The following COL5A2 variants were observed in gnomAD, a reference collection of about 807,000 sequenced individuals.
The protein encoded by COL5A2 is collagen type V alpha 2 chain, also known as collagen alpha-2(V) chain.
Under a neutral mutation model 208.2 loss-of-function variants are expected in COL5A2, and 23 were observed. The observed-to-expected ratio is 0.11, with a 90% CI of 0.08 to 0.16. The LOEUF is 0.16. Ranked by LOEUF, COL5A2 falls within the 10% of genes least tolerant of loss-of-function variation. COL5A2 has a pLI of 1.00. For synonymous variants in COL5A2, 625 were observed against 628.5 expected, an observed-to-expected ratio of 0.99 and a Z score of 0.08; for missense variants, 1,590 against 1,956.4, an observed-to-expected ratio of 0.81 and a Z score of 3.53.
intron 1 of COL5A2, among the ~76,000 whole-genome samples, chr2:189,138,132 G>A (rs1192671194): frequency 6.6e-6 from 1 of 152,018 alleles, no homozygotes; most frequent in Non-Finnish European, 1.5e-5. Context: ...ATGCCACAAT[G>A]CCCAGCTAAT....
chr2:189,417,195 G>A, the COL5A2 span, among the ~76,000 whole-genome samples: 5 of 152,004 alleles, frequency 3.3e-5, no homozygotes, highest in South Asian at 2.1e-4. Context: ...TGGAATTTAT[G>A]GACTAAAACA....
chr2:189,065,539 G>A (rs1260580693), intron 23 of COL5A2, among the ~76,000 whole-genome samples: 1 of 151,442 alleles, frequency 6.6e-6, no homozygotes, highest in Non-Finnish European at 1.5e-5. Context: ...AAAAAAAAAA[G>A]GAAGAAAGGA....
In COL5A2 at chr2:189,051,390, C is replaced by T. The variant is rs781025291; in HGVS notation, c.2861G>A (p.Gly954Glu). The change falls in exon 42 of 54, where the codon GGA becomes GAA. Residue 954 changes from glycine (G) to glutamate (E), a missense_variant. By Grantham distance (98) the Gly-to-Glu change is moderately conservative (BLOSUM62 -2). Transcript: ENST00000374866. ...AGGGGGGCCAGCTGGTCCTCGATCT[C>T]CCACACGCCCATGAGAGCCAGGGTC... ...RGDPGSHGRV[G>E]DRGPAGPPGG... The T allele has an allele frequency of 6.2e-7, 1 of 1,614,084 alleles. No individual in the cohort carries two copies.
chr2:189,388,356 A>G, the COL5A2 span, among the ~76,000 whole-genome samples: 2 of 152,172 alleles, frequency 1.3e-5, no homozygotes, highest in Non-Finnish European at 2.9e-5. Context: ...CAGGAAGGTA[A>G]AGATCCACCT....
intron 1 of COL5A2, among the ~76,000 whole-genome samples, chr2:189,219,846 C>T (rs541189318): frequency 1.4e-3 from 210 of 146,656 alleles, no homozygotes; most frequent in Non-Finnish European, 2.2e-3. Context: ...GACAGCTTCA[C>T]GGATACATGA....
At chr2:189,169,505 GT>G (rs1688531938) in intron 1 of COL5A2, among the ~76,000 whole-genome samples, 1 of 152,040 alleles carries the variant, frequency 6.6e-6, no homozygotes, top group African/African-American at 2.4e-5. Flanking sequence ...TTTTAAATGG[GT>G]TTTAAAAGCT....
chr2:189,066,671 G>A, intron 22 of COL5A2, 58 bp downstream of exon 22: 3 of 1,428,152 alleles, frequency 2.1e-6, no homozygotes, highest in East Asian at 4.5e-5. Context: ...AGCATTTTGA[G>A]CTGTACACTT....
chr2:189,230,171 C>G (rs992532951), upstream of COL5A2, among the ~76,000 whole-genome samples: 1 of 151,640 alleles, frequency 6.6e-6, no homozygotes, highest in Non-Finnish European at 1.5e-5. Context: ...TAATACCATA[C>G]CCAAAAATCA....
chr2:189,064,094 A>C (rs1686092657), intron 25 of COL5A2, 61 bp from the exon 26 acceptor site: 7 of 1,370,254 alleles, frequency 5.1e-6, no homozygotes, highest in Non-Finnish European at 7.3e-6. Context: ...AAAGATTCTT[A>C]AGAGTAAAAA....
the COL5A2 span, among the ~76,000 whole-genome samples, chr2:189,288,672 A>G: frequency 6.6e-6 from 1 of 152,278 alleles, no homozygotes; most frequent in Non-Finnish European, 1.5e-5. Context: ...AATTTCTCTA[A>G]AAAAAACTGG....
At chr2:189,100,255 T>C in intron 3 of COL5A2, 116 bp from the exon 4 acceptor site, 1 of 768,306 alleles carries the variant, frequency 1.3e-6, no homozygotes. Context: ...ATGTAAGAAA[T>C]GCAAAAAACT....
chr2:189,135,405 T>C (rs1346858989), intron 1 of COL5A2, among the ~76,000 whole-genome samples: 3 of 152,196 alleles, frequency 2.0e-5, no homozygotes, highest in African/African-American at 4.8e-5. Flanking sequence ...GCTCTATGAA[T>C]CTGCAGAGTA....
the COL5A2 span, among the ~76,000 whole-genome samples, chr2:189,326,425 T>C: frequency 5.9e-5 from 9 of 152,144 alleles, no homozygotes; most frequent in East Asian, 3.9e-4. Flanking sequence ...TCAGGTGTAA[T>C]GGTTCACACT....
the COL5A2 span, among the ~76,000 whole-genome samples, chr2:189,285,352 C>G: frequency 6.6e-6 from 1 of 152,024 alleles, no homozygotes; most frequent in Non-Finnish European, 1.5e-5. Flanking sequence ...CCACCAATAC[C>G]TAAACATTGC....
At position 189,052,200 on chromosome 2, in the gene COL5A2, G is replaced by A. The variant is rs201486858; in HGVS notation, c.2741C>T (p.Ala914Val). The stretch of plus-strand genomic sequence containing the variant: ...AGGGCCTGGAGGTCCAACTCTGCCC[G>A]CAGAACCAGGAAATCCTGTAGCACC... The part of the protein sequence containing the change: ...PPGATGFPGS[A>V]GRVGPPGPAG... The change falls in exon 41 of 54, where the codon GCG becomes GTG. Residue 914 changes from alanine to valine, a missense_variant. Transcript: ENST00000374866. 1.1e-4 allele frequency: 171 copies of A among 1,613,626 alleles called. No individual in the cohort carries two copies. Among genetic ancestry groups the A allele is most frequent in the East Asian group, 7.4e-4 (33 of 44,838 alleles).
chr2:189,076,182 C>T (rs1238962547), intron 16 of COL5A2, among the ~76,000 whole-genome samples: 1 of 152,180 alleles, frequency 6.6e-6, no homozygotes, highest in Non-Finnish European at 1.5e-5. Context: ...AGAGCACTCA[C>T]CAATAAATTT....
At chr2:189,357,341 C>G in the COL5A2 span, among the ~76,000 whole-genome samples, 1 of 152,140 alleles carries the variant, frequency 6.6e-6, no homozygotes, top group Non-Finnish European at 1.5e-5. Flanking sequence ...CACAGATGCC[C>G]CTTCCCCCAG....
chr2:189,167,090 T>C (rs1688478765), intron 1 of COL5A2, among the ~76,000 whole-genome samples: 1 of 152,206 alleles, frequency 6.6e-6, no homozygotes, highest in Admixed American at 6.5e-5. Flanking sequence ...AATGAAAGCA[T>C]ATTTCCCTTA....
At chr2:189,322,057 C>T in the COL5A2 span, among the ~76,000 whole-genome samples, 4 of 152,198 alleles carry the variant, frequency 2.6e-5, no homozygotes, top group Non-Finnish European at 5.9e-5. Context: ...GGAAACTGAA[C>T]AACCTGCTCC....
Sources: allele counts gnomAD v4.1 joint callset (sites outside exome capture counted in the v4.1 genomes callset), GRCh38; gene constraint gnomAD v4.1.1; transcripts MANE v1.5; gene names NCBI Gene and HGNC (gene_info 2026-07-23, HGNC 2026-07-21).